Variants in BBS2 observed in about 807,000 individuals in gnomAD.
The protein encoded by BBS2 is BBSome complex member BBS2.
BBS2 carries 62 observed loss-of-function variants against 83.0 expected under a neutral mutation model. That is an observed-to-expected ratio of 0.75 (90% confidence interval 0.61 to 0.92). The LOEUF is 0.92. Ranked by LOEUF, BBS2 falls within the 40% of genes least tolerant of loss-of-function variation. The pLI is 0.00. For synonymous variants in BBS2, 303 were observed against 326.1 expected (o/e 0.93, Z 0.76); for missense variants, 784 against 901.0 (o/e 0.87, Z 1.66).
intron 7 of BBS2, among the ~76,000 whole-genome samples, chr16:56,503,790 G>A (rs569112151): frequency 4.6e-5 from 7 of 152,108 alleles, no homozygotes; most frequent in East Asian, 1.9e-4. Flanking sequence ...GTGGTGGTAC[G>A]CACCTGTAGT....
intron 15 of BBS2, among the ~76,000 whole-genome samples, chr16:56,494,235 T>C (rs1964047798): frequency 6.6e-6 from 1 of 151,018 alleles, no homozygotes; most frequent in Middle Eastern, 3.2e-3. Flanking sequence ...CGCAAAGTGC[T>C]GGGATTACAA....
chr16:56,470,462 A>G (rs1417937841), exon 18 of BBS2: 1 of 1,572,054 alleles, frequency 6.4e-7, no homozygotes, highest in South Asian at 1.2e-5. Flanking sequence ...GCTTTGATGA[A>G]CAACTTGACA....
In BBS2 at chr16:56,497,073, C is replaced by T. The variant is rs1199835895; in HGVS notation, c.1804G>A (p.Glu602Lys). 2 of 1,606,920 alleles carry T rather than the reference C, an allele frequency of 1.2e-6. No individual in the cohort carries two copies. The highest frequency in any genetic ancestry group is 2.7e-5 in the African/African-American group (2 of 74,762). ...AGCTTCTGATGCACTGAATGATATT[C>T]ATCCACCTGGAGACCATGAACACTC... ...ELRKVLVKVD[E>K]YHSVHQKLSA... Residue 602 changes from glutamate (E) to lysine (K), a missense_variant, in exon 15 of 17, where the codon GAA becomes AAA. Physicochemically the swap from Glu to Lys is moderately conservative, Grantham distance 56. Transcript: ENST00000245157.
intron 17 of BBS2, chr16:56,475,461 C>T: frequency 6.4e-7 from 1 of 1,574,794 alleles, no homozygotes; most frequent in Non-Finnish European, 8.7e-7. Flanking sequence ...TGGTGCGACT[C>T]TTTCAATAGG....
rs140883329 is a variant in BBS2, at chr16:56,509,004, A to G, written c.612+953T>C. On this transcript the variant is annotated intron_variant, in intron 5 of 16. Coordinates refer to ENST00000245157, the MANE Select transcript of BBS2 (RefSeq NM_031885.5). ...TAAGAAATATCTCAGGTTCAGTTAC[A>G]TGAGTGATTCTAATCACAAGTTCTA... Among the ~76,000 whole-genome samples the G allele has an allele frequency of 5.3e-5, 8 of 152,332 alleles. No homozygotes were observed. In the East Asian group the frequency reaches 1.5e-3, roughly 29 times the overall value.
At chr16:56,488,686 T>C (rs1963856473) in intron 15 of BBS2, among the ~76,000 whole-genome samples, 1 of 152,054 alleles carries the variant, frequency 6.6e-6, no homozygotes, top group Non-Finnish European at 1.5e-5. Flanking sequence ...CCACTGGCCA[T>C]AGGTGATCAA....
At chr16:56,512,279 A>C (rs1964599830) in intron 2 of BBS2, among the ~76,000 whole-genome samples, 1 of 152,248 alleles carries the variant, frequency 6.6e-6, no homozygotes, top group Non-Finnish European at 1.5e-5. Context: ...TTGCAAAAAC[A>C]GTTTCACAGT....
intron 15 of BBS2, among the ~76,000 whole-genome samples, chr16:56,491,172 G>T (rs925575589): frequency 1.8e-4 from 28 of 152,136 alleles, no homozygotes; most frequent in Non-Finnish European, 3.1e-4. Flanking sequence ...TACCCACTAT[G>T]GTTTGGATGT....
chr16:56,471,861 A>C (rs16968331), intron 17 of BBS2, among the ~76,000 whole-genome samples: 14,942 of 152,296 alleles, frequency 0.098, 822 homozygotes, highest in South Asian at 0.17. Context: ...ATGTTAATTG[A>C]TACTGGCATT....
rs1348932407 is a variant in BBS2 at position 56,511,205 on chromosome 16, C to T, written c.425G>A (p.Cys142Tyr). Reference sequence around the variant, plus strand: ...TTCATGATTGAAACCTTGCAGAGCACAATTGCCACCAATAATCGCAAGAGG... The same window carrying T: ...TTCATGATTGAAACCTTGCAGAGCATAATTGCCACCAATAATCGCAAGAGG... ...SSPLAIIGGNCALQGFNHEGS... is the reference protein window; with the variant it reads ...SSPLAIIGGNYALQGFNHEGS... The change falls in exon 3 of 17, where the codon TGT becomes TAT. Residue 142 changes from cysteine to tyrosine, a missense_variant. Cys to Tyr is a radical substitution (Grantham distance 194, BLOSUM62 -2). Transcript: ENST00000245157. 1 of 1,614,022 alleles carries T rather than the reference C, an allele frequency of 6.2e-7. No homozygotes were observed. The highest frequency in any genetic ancestry group is 1.3e-5 in the African/African-American group (1 of 74,916).
intron 7 of BBS2, among the ~76,000 whole-genome samples, chr16:56,504,013 C>T (rs746673375): frequency 2.0e-5 from 3 of 152,200 alleles, no homozygotes; most frequent in Non-Finnish European, 4.4e-5. Flanking sequence ...GCAATCATTT[C>T]GATGACCAAT....
chr16:56,477,579 C>T (rs536213704), intron 17 of BBS2: 6 of 152,206 alleles, frequency 3.9e-5, no homozygotes, highest in African/African-American at 1.4e-4. Flanking sequence ...ATGCTAAAAC[C>T]ACATCAGAAT....
chr16:56,492,406 A>G (rs1963980997), intron 15 of BBS2, among the ~76,000 whole-genome samples: 1 of 152,238 alleles, frequency 6.6e-6, no homozygotes, highest in Non-Finnish European at 1.5e-5. Context: ...GAAATAAGCC[A>G]GTCATAGAAG....
Position 56,497,800 on chromosome 16 carries a change from A to G in BBS2, c.1740T>C (p.Leu580=), listed in dbSNP as rs184321386. ...SMASFFAIED[L]QVEADFPVYF... ...AGACAGGAAAATCCGCTTCTACTTG[A>G]AGGTCTTCAATAGCAAAAAATGATG... The change falls in exon 14 of 17, where the codon CTT becomes CTC. Residue 580 remains leucine, a synonymous_variant. Coordinates refer to ENST00000245157, the MANE Select transcript of BBS2 (RefSeq NM_031885.5). 2.5e-6 allele frequency: 4 copies of G among 1,613,412 alleles called. No individual in the cohort carries two copies. The East Asian group carries it at 8.9e-5, about 36-fold the overall frequency.
intron 7 of BBS2, among the ~76,000 whole-genome samples, chr16:56,504,564 TTC>T (rs1273055625): frequency 1.3e-5 from 2 of 152,228 alleles, no homozygotes; most frequent in East Asian, 1.9e-4. Context: ...TTTTGTATAT[TTC>T]TGTTAGATGT....
downstream of BBS2, among the ~76,000 whole-genome samples, chr16:56,481,196 T>C (rs1963656369): frequency 6.6e-6 from 1 of 152,116 alleles, no homozygotes; most frequent in Non-Finnish European, 1.5e-5. Flanking sequence ...ATAATAGTTT[T>C]AAAGTTCCTA....
At chr16:56,486,719 C>G (rs1028308204) in intron 15 of BBS2, among the ~76,000 whole-genome samples, 3 of 143,534 alleles carry the variant, frequency 2.1e-5, no homozygotes, top group African/African-American at 7.7e-5. Context: ...GGTATTGATA[C>G]AAACAGTCAC....
chr16:56,485,520 A>G, intron 16 of BBS2, 70 bp downstream of exon 16: 2 of 1,578,900 alleles, frequency 1.3e-6, no homozygotes, highest in Admixed American at 3.3e-5. Context: ...ATTGGATGCT[A>G]CCACCATCTT....
intron 17 of BBS2, chr16:56,475,951 C>A: frequency 8.5e-7 from 1 of 1,179,648 alleles, no homozygotes; most frequent in Non-Finnish European, 1.2e-6. Context: ...AGATTAAGTG[C>A]TTGATATGGA....
Sources: allele counts gnomAD v4.1 joint callset (sites outside exome capture counted in the v4.1 genomes callset), GRCh38; gene constraint gnomAD v4.1.1; transcripts MANE v1.5; gene names NCBI Gene and HGNC (gene_info 2026-07-23, HGNC 2026-07-21).